The following EYS variants were observed in gnomAD, a reference collection of about 807,000 sequenced individuals.
EYS encodes EGF-like photoreceptor maintenance factor.
Under a neutral mutation model 282.1 loss-of-function variants are expected in EYS, and 250 were observed. The ratio of observed to expected loss-of-function variants is 0.89; its 90% CI spans 0.80 to 0.98. EYS has a LOEUF of 0.98. EYS is among the 50% of genes least tolerant of loss of function. EYS has a pLI of 0.00. For synonymous variants in EYS, 1,355 were observed against 1,282.9 expected, an observed-to-expected ratio of 1.06 and a Z score of -1.20; for missense variants, 4,016 against 3,709.0, an observed-to-expected ratio of 1.08 and a Z score of -2.15.
rs190498483 is a variant in EYS at position 64,867,982 on chromosome 6, T to C, written c.2992+18715A>G. ...TCTTAAATAAAAAGCCTGTGGATAA[T>C]TAAAACCCTTGTATATCATTTAGAA... On this transcript the variant is annotated intron_variant, in intron 19 of 42. Coordinates refer to ENST00000503581, the MANE Select transcript of EYS (RefSeq NM_001142800.2). Among the ~76,000 whole-genome samples, 376 of 151,558 alleles carry C rather than the reference T, an allele frequency of 2.5e-3. 3 individuals carry two copies. Among genetic ancestry groups the C allele is most frequent in the African/African-American group, 8.3e-3 (345 of 41,534 alleles).
intron 12 of EYS, among the ~76,000 whole-genome samples, chr6:65,261,562 T>C (rs1288933154): frequency 6.6e-6 from 1 of 152,074 alleles, no homozygotes; most frequent in Non-Finnish European, 1.5e-5. Flanking sequence ...CTGATTTATT[T>C]GGTATTCACT....
chr6:64,174,823 T>C (rs1764580059), intron 31 of EYS, among the ~76,000 whole-genome samples: 1 of 152,056 alleles, frequency 6.6e-6, no homozygotes, highest in African/African-American at 2.4e-5. Flanking sequence ...CATATTTGTT[T>C]AGATGGATAA....
intron 12 of EYS, among the ~76,000 whole-genome samples, chr6:65,179,838 C>A (rs1765327782): frequency 6.6e-6 from 1 of 151,944 alleles, no homozygotes. Flanking sequence ...TCCAGCAGCA[C>A]ATCAAAAAGC....
At chr6:65,302,078 T>C (rs1398895163) in intron 11 of EYS, among the ~76,000 whole-genome samples, 4 of 152,262 alleles carry the variant, frequency 2.6e-5, no homozygotes, top group Non-Finnish European at 4.4e-5. Flanking sequence ...GACTCTCAAG[T>C]TCATCTTTAA....
chr6:65,375,111 G>A (rs1041875149), intron 8 of EYS, among the ~76,000 whole-genome samples: 5 of 152,122 alleles, frequency 3.3e-5, no homozygotes, highest in African/African-American at 1.2e-4. Context: ...AACAGAGGTC[G>A]ACAGACACCT....
intron 41 of EYS, among the ~76,000 whole-genome samples, chr6:63,755,240 G>T (rs557941347): frequency 2.0e-5 from 3 of 152,124 alleles, no homozygotes; most frequent in South Asian, 4.2e-4. Flanking sequence ...ATTGCTTTTG[G>T]TGTTTTAGTT....
chr6:65,191,375 A>C (rs1765637878), intron 12 of EYS, among the ~76,000 whole-genome samples: 1 of 152,020 alleles, frequency 6.6e-6, no homozygotes, highest in East Asian at 1.9e-4. Flanking sequence ...AAAAGAACAA[A>C]AAATGGAATG....
At chr6:63,859,083 T>TG (rs1343213324) in intron 36 of EYS, among the ~76,000 whole-genome samples, 2 of 37,570 alleles carry the variant, frequency 5.3e-5, no homozygotes, top group South Asian at 1.5e-3. Flanking sequence ...GAGTTTTTTT[T>TG]TTTTTTTTTT....
intron 34 of EYS, among the ~76,000 whole-genome samples, chr6:63,992,672 A>G (rs1767655473): frequency 6.6e-6 from 1 of 151,878 alleles, no homozygotes. Context: ...AAATCAAGTT[A>G]TGTCATTAAA....
intron 36 of EYS, among the ~76,000 whole-genome samples, chr6:63,858,312 G>A (rs504776): frequency 0.48 from 72,798 of 152,000 alleles, 19,521 homozygotes; most frequent in Non-Finnish European, 0.59. Context: ...CACCCACCGC[G>A]GCTTCCCAAA....
In EYS at chr6:65,495,903, C is replaced by T. The variant is rs1263871961; in HGVS notation, c.-242G>A. 6.2e-6 allele frequency: 1 copy of T among 161,626 alleles called. No individual in the cohort carries two copies. The highest frequency in any genetic ancestry group is 1.8e-4 in the East Asian group (1 of 5,578). 10.0% of individuals were successfully genotyped at this position (161,626 alleles called of 1,614,324 possible). A position where few individuals can be genotyped will look rare whatever the true frequency, so the allele number is the denominator to read the frequency against. On this transcript the variant is annotated 5_prime_UTR_variant, in exon 3 of 43. Coordinates refer to ENST00000503581, the MANE Select transcript of EYS (RefSeq NM_001142800.2). ...TCTTTACACCAAGCTTCAATCTAAT[C>T]AAAACACAGCACAGCCAAGATTCTT... is the stretch of plus-strand genomic sequence containing the variant.
intron 41 of EYS, chr6:63,741,913 C>CAGTT: frequency 2.8e-6 from 2 of 702,290 alleles, no homozygotes; most frequent in African/African-American, 3.5e-5. Flanking sequence ...TGGTCCTTAC[C>CAGTT]CTCCTTCTTC....
At chr6:65,417,158 C>T (rs1166049758) in intron 5 of EYS, among the ~76,000 whole-genome samples, 1 of 151,780 alleles carries the variant, frequency 6.6e-6, no homozygotes, top group Non-Finnish European at 1.5e-5. Flanking sequence ...TAGTAGTATT[C>T]ATTGTAAAGT....
chr6:64,733,479 GTCT>G (rs1460470253), intron 22 of EYS: 1 of 191,506 alleles, frequency 5.2e-6, no homozygotes, highest in Non-Finnish European at 1.1e-5. Context: ...AGTGGTTGAA[GTCT>G]TCTTTTCAGC....
At chr6:65,233,447 A>C (rs568998616) in intron 12 of EYS, among the ~76,000 whole-genome samples, 40 of 151,998 alleles carry the variant, frequency 2.6e-4, no homozygotes, top group Non-Finnish European at 5.1e-4. Context: ...CCTTATTTTT[A>C]ATCTTTGAGT....
At chr6:64,063,468 G>A (rs978809643) in intron 33 of EYS, among the ~76,000 whole-genome samples, 1 of 151,908 alleles carries the variant, frequency 6.6e-6, no homozygotes, top group African/African-American at 2.4e-5. Flanking sequence ...GAGTCATTTT[G>A]CTCCTAATTA....
At chr6:65,531,391 A>G (rs1443207575) in intron 2 of EYS, among the ~76,000 whole-genome samples, 1 of 152,194 alleles carries the variant, frequency 6.6e-6, no homozygotes, top group Non-Finnish European at 1.5e-5. Context: ...GTGAAATACA[A>G]AGGTCTATGT....
rs35707502 is a variant in EYS, at chr6:65,370,256, CTTTTT to C, written c.1299+14125_1299+14129del. 1.1e-3 allele frequency among the ~76,000 whole-genome samples: 140 copies of C among 127,128 alleles called. 1 individual carries two copies. The highest frequency in any genetic ancestry group is 4.0e-3 in the African/African-American group (136 of 33,716). The allele number at this position is 127,128 out of a possible 152,430, so 83.4% of individuals were successfully genotyped here. A position where few individuals can be genotyped will look rare whatever the true frequency, so the allele number is the denominator to read the frequency against. On this transcript the variant is annotated intron_variant, in intron 8 of 42. Transcript: ENST00000503581. ...CCTTTCTATTTCTTTCTTTCTCTCTCTTTTTTTTTTTTTTTTGAAACAGGATCTTA... is the reference window on the plus strand; with the variant it reads ...CCTTTCTATTTCTTTCTTTCTCTCTCTTTTTTTTTTTGAAACAGGATCTTA...
At chr6:64,228,380 G>A (rs1486132669) in intron 31 of EYS, among the ~76,000 whole-genome samples, 5 of 151,800 alleles carry the variant, frequency 3.3e-5, no homozygotes, top group African/African-American at 7.3e-5. Context: ...AAAAAATTAC[G>A]GATAATATTA....
Sources: allele counts gnomAD v4.1 joint callset (sites outside exome capture counted in the v4.1 genomes callset), GRCh38; gene constraint gnomAD v4.1.1; transcripts MANE v1.5; gene names NCBI Gene and HGNC (gene_info 2026-07-23, HGNC 2026-07-21).